MLLT10: variants seen among roughly 807,000 people sequenced by gnomAD.
MLLT10 encodes protein AF-10.
A neutral mutation model predicts 129.1 loss-of-function variants in MLLT10; 30 were observed. That is an observed-to-expected ratio of 0.23 (90% confidence interval 0.17 to 0.32). The LOEUF (loss-of-function observed/expected upper bound fraction) is 0.32. MLLT10 is among the 10% of genes least tolerant of loss of function. The pLI, the probability that MLLT10 is intolerant of heterozygous loss-of-function variation, is 1.00. For missense variants in MLLT10, 1,119 were observed against 1,268.3 expected (o/e 0.88, Z 1.79); for synonymous variants, 490 against 446.4 (o/e 1.10, Z -1.23).
chr10:21,652,657 G>A (rs761981791), intron 9 of MLLT10, among the ~76,000 whole-genome samples: 3 of 152,192 alleles, frequency 2.0e-5, no homozygotes, highest in Non-Finnish European at 4.4e-5. Flanking sequence ...GTATAAACCA[G>A]TGTAAGGACT....
rs766382634 is a variant in MLLT10 at position 21,632,376 on chromosome 10, TTATAG to T, written c.699+15170_699+15174del. Among the ~76,000 whole-genome samples, 9 of 152,346 alleles carry T rather than the reference TTATAG, an allele frequency of 5.9e-5. No individual in the cohort carries two copies. In the East Asian group the frequency reaches 1.2e-3, roughly 20 times the overall value. ...TTAGAATTTTATTCCAGCTATCTAA[TTATAG>T]CATCATGGAGATGAAGTAATGATAG... On this transcript the variant is annotated intron_variant, in intron 8 of 22. Coordinates refer to ENST00000307729, the MANE Select transcript of MLLT10 (RefSeq NM_001195626.3).
chr10:21,655,221 G>A (rs749870169), intron 9 of MLLT10, among the ~76,000 whole-genome samples: 12 of 152,114 alleles, frequency 7.9e-5, no homozygotes, highest in Non-Finnish European at 1.3e-4. Flanking sequence ...AGATTGTCTA[G>A]ATGTATACTG....
At chr10:21,594,079 TGAGA>T (rs1350646729) in intron 4 of MLLT10, among the ~76,000 whole-genome samples, 3 of 151,980 alleles carry the variant, frequency 2.0e-5, no homozygotes, top group Admixed American at 6.6e-5. Context: ...AATTTCAGTT[TGAGA>T]TGGTCAGAGG....
rs1246698710 is a variant in MLLT10 at position 21,739,942 on chromosome 10, T to C, written c.2956-88T>C. The C allele has an allele frequency of 6.8e-6, 7 of 1,028,160 alleles. No individual in the cohort carries two copies. In the East Asian group the frequency reaches 1.3e-4, roughly 19 times the overall value. The allele number at this position is 1,028,160 out of a possible 1,614,324, so 63.7% of individuals were successfully genotyped here. A position where few individuals can be genotyped will look rare whatever the true frequency, so the allele number is the denominator to read the frequency against. On this transcript the variant is annotated intron_variant, in intron 21 of 22. Coordinates refer to ENST00000307729, the MANE Select transcript of MLLT10 (RefSeq NM_001195626.3). ...TTTCTTTCTTTGCAAATATCTAATA[T>C]TAAAGGAAAGAAAACATAAGGCAGC...
intron 8 of MLLT10, among the ~76,000 whole-genome samples, 177 bp from the exon 9 acceptor site, chr10:21,651,496 C>T (rs1231936455): frequency 6.6e-6 from 1 of 152,004 alleles, no homozygotes; most frequent in Non-Finnish European, 1.5e-5. Flanking sequence ...CTGAACTTAC[C>T]TAAAAAGAAA....
intron 11 of MLLT10, among the ~76,000 whole-genome samples, chr10:21,677,021 A>G (rs1002769567): frequency 6.6e-6 from 1 of 152,172 alleles, no homozygotes; most frequent in Non-Finnish European, 1.5e-5. Context: ...AGCAGTTAAT[A>G]AGCATTAAGT....
In MLLT10 at chr10:21,704,357, C is replaced by CTATA. The variant is rs3032384; in HGVS notation, c.1700-9392_1700-9389dup. Among the ~76,000 whole-genome samples, 217 of 111,854 alleles carry CTATA rather than the reference C, an allele frequency of 1.9e-3. 1 individual carries two copies. The highest frequency in any genetic ancestry group is 6.2e-3 in the African/African-American group (172 of 27,608). 73.4% of individuals were successfully genotyped at this position (111,854 alleles called of 152,430 possible). A position where few individuals can be genotyped will look rare whatever the true frequency, so the allele number is the denominator to read the frequency against. On this transcript the variant is annotated intron_variant, in intron 13 of 22. Coordinates refer to ENST00000307729, the MANE Select transcript of MLLT10 (RefSeq NM_001195626.3). ...TCTCTCTCTCTCTCTCTCTCTCTCTCTATATATATATATATATATATATAT... is the reference window on the plus strand; with the variant it reads ...TCTCTCTCTCTCTCTCTCTCTCTCTCTATATATATATATATATATATATATATAT...
intron 21 of MLLT10, among the ~76,000 whole-genome samples, chr10:21,735,934 A>G (rs2058327633): frequency 6.6e-6 from 1 of 152,094 alleles, no homozygotes; most frequent in Admixed American, 6.5e-5. Flanking sequence ...TTAAAAATCT[A>G]TTACGGAGGA....
intron 3 of MLLT10, among the ~76,000 whole-genome samples, chr10:21,558,054 A>G (rs952288923): frequency 2.0e-5 from 3 of 148,976 alleles, no homozygotes; most frequent in East Asian, 4.0e-4. Flanking sequence ...GGTTCAAGCA[A>G]TTCTCTGGCC....
Position 21,595,413 on chromosome 10 carries a change from G to T in MLLT10, c.378G>T (p.Gln126His). 6.2e-7 allele frequency: 1 copy of T among 1,613,004 alleles called. No homozygotes were observed. The highest frequency in any genetic ancestry group is 8.5e-7 in the Non-Finnish European group (1 of 1,179,260). Residue 126 changes from glutamine to histidine, a missense_variant, in exon 5 of 23, where the codon CAG (glutamine) becomes CAT (histidine). Around this residue, in one of 5 missense-constraint regions of MLLT10, gnomAD observed 44 missense variants for 114.3 expected, o/e 0.38. Transcript: ENST00000307729. The part of the protein sequence containing the change: ...NVSTMEPIVL[Q>H]SVPHDRYNKT... Reference sequence around the variant, plus strand: ...CCACAATGGAACCAATTGTTTTACAGTCTGTTCCGCATGATCGTTATAATA... The same window carrying T: ...CCACAATGGAACCAATTGTTTTACATTCTGTTCCGCATGATCGTTATAATA...
intron 4 of MLLT10, among the ~76,000 whole-genome samples, chr10:21,588,100 T>C (rs2042169098): frequency 6.6e-6 from 1 of 152,210 alleles, no homozygotes; most frequent in African/African-American, 2.4e-5. Context: ...GAAGCTTCGC[T>C]CATTTGCCCA....
chr10:21,694,329 T>C (rs981499870), intron 13 of MLLT10, among the ~76,000 whole-genome samples: 2 of 152,208 alleles, frequency 1.3e-5, no homozygotes, highest in African/African-American at 4.8e-5. Flanking sequence ...TGGATTTTAT[T>C]TTTCATTACT....
intron 8 of MLLT10, among the ~76,000 whole-genome samples, chr10:21,650,603 G>A (rs2048928163): frequency 6.6e-6 from 1 of 151,714 alleles, no homozygotes; most frequent in Non-Finnish European, 1.5e-5. Context: ...GGCCCTCAAT[G>A]GTCTGATTTA....
At chr10:21,684,251 A>G (rs1018163705) in intron 13 of MLLT10, among the ~76,000 whole-genome samples, 15 of 151,684 alleles carry the variant, frequency 9.9e-5, no homozygotes, top group African/African-American at 2.9e-4. Flanking sequence ...TTCTCACACT[A>G]TTTTCTCCTT....
At chr10:21,603,819 G>T (rs865842750) in intron 5 of MLLT10, among the ~76,000 whole-genome samples, 148 of 137,370 alleles carry the variant, frequency 1.1e-3, no homozygotes, top group African/African-American at 3.1e-3. Flanking sequence ...GACAGTTTTT[G>T]TTTTTTTGTT....
At chr10:21,625,944 C>G (rs1324713107) in intron 8 of MLLT10, 1 of 804,620 alleles carries the variant, frequency 1.2e-6, no homozygotes, top group East Asian at 2.4e-5. Context: ...CCTACAAACA[C>G]CTCTGTTCCA....
intron 3 of MLLT10, among the ~76,000 whole-genome samples, chr10:21,562,906 G>A (rs761100510): frequency 7.8e-6 from 1 of 127,482 alleles, no homozygotes; most frequent in African/African-American, 3.0e-5. Context: ...CACAGCCTCC[G>A]CCTCCTGGGT....
chr10:21,571,638 T>A (rs572650901), intron 3 of MLLT10, among the ~76,000 whole-genome samples: 2 of 152,232 alleles, frequency 1.3e-5, no homozygotes, highest in Non-Finnish European at 2.9e-5. Flanking sequence ...CTTTATTCAC[T>A]CCATCTTGAC....
chr10:21,731,140 C>T lies in MLLT10; in HGVS notation c.2218+86C>T, dbSNP rs1589871192. ...ATGGATGCAGAAGTCACTTTTCATC[C>T]AGAGTAGTAATGGGATTATGATATA... On this transcript the variant is annotated intron_variant, in intron 17 of 22. Coordinates refer to ENST00000307729, the MANE Select transcript of MLLT10 (RefSeq NM_001195626.3). 4 of 1,233,816 alleles carry T rather than the reference C, an allele frequency of 3.2e-6. No individual in the cohort carries two copies. In the East Asian group the frequency reaches 9.3e-5, roughly 29 times the overall value. The allele number at this position is 1,233,816 out of a possible 1,614,324, so 76.4% of individuals were successfully genotyped here. A position where few individuals can be genotyped will look rare whatever the true frequency, so the allele number is the denominator to read the frequency against.
Sources: gnomAD v4.1 joint callset for allele counts (sites outside exome capture counted in the v4.1 genomes callset) on GRCh38, gnomAD v4.1.1 for gene constraint, gnomAD v4.1.1 regional missense constraint, MANE v1.5 for transcripts, NCBI Gene and HGNC (gene_info 2026-07-23, HGNC 2026-07-21) for gene names.